Variants in KIF26B observed in about 807,000 individuals in gnomAD.
KIF26B encodes kinesin-like protein KIF26B.
Under a neutral mutation model 151.2 loss-of-function variants are expected in KIF26B, and 63 were observed. The observed-to-expected ratio is 0.42, with a 90% CI of 0.34 to 0.51. The LOEUF is 0.51. Among genes scored for constraint, KIF26B ranks in the 20% least tolerant of loss-of-function variants. The pLI, the probability that KIF26B is intolerant of heterozygous loss-of-function variation, is 0.07. For missense variants in KIF26B, 2,813 were observed against 2,913.6 expected (o/e 0.97, Z 0.79); for synonymous variants, 1,357 against 1,262.1 (o/e 1.08, Z -1.59).
rs141401180 is a variant in KIF26B at position 245,226,563 on chromosome 1, A to G, written c.465+69880A>G. On this transcript the variant is annotated intron_variant, in intron 2 of 14. Transcript: ENST00000407071. ...CTGCAACCTCCTTTTCCCAGGTTCT[A>G]AGCGATTCTCCTGCCTCAGCCTCCT... 8.5e-3 allele frequency among the ~76,000 whole-genome samples: 1,294 copies of G among 151,794 alleles called. 20 individuals are homozygous for G. Among genetic ancestry groups the G allele is most frequent in the African/African-American group, 0.029 (1,212 of 41,372 alleles).
intron 2 of KIF26B, among the ~76,000 whole-genome samples, chr1:245,298,431 G>T (rs1273813145): frequency 3.3e-5 from 5 of 152,206 alleles, no homozygotes; most frequent in African/African-American, 7.2e-5. Flanking sequence ...ACATTGTATG[G>T]TTTTGCTCAT....
chr1:245,661,340 G>A (rs886232830), intron 10 of KIF26B, among the ~76,000 whole-genome samples: 8 of 73,502 alleles, frequency 1.1e-4, no homozygotes, highest in Non-Finnish European at 2.4e-4. Context: ...TTTACTAATC[G>A]CCACAGTTAC....
intron 2 of KIF26B, among the ~76,000 whole-genome samples, chr1:245,182,515 T>C (rs116219927): frequency 6.6e-6 from 1 of 152,250 alleles, no homozygotes; most frequent in Non-Finnish European, 1.5e-5. Context: ...TTGGCTATTA[T>C]GAATAATGCT....
intron 2 of KIF26B, among the ~76,000 whole-genome samples, chr1:245,363,059 T>G (rs1246548030): frequency 6.6e-6 from 1 of 152,324 alleles, no homozygotes; most frequent in East Asian, 1.9e-4. Flanking sequence ...CACGACAGAC[T>G]GGATGCTTCT....
chr1:245,294,854 G>A (rs1340738766), intron 2 of KIF26B, among the ~76,000 whole-genome samples: 2 of 152,084 alleles, frequency 1.3e-5, no homozygotes, highest in Non-Finnish European at 2.9e-5. Flanking sequence ...GTAGAGATGG[G>A]GTTTCACGAT....
chr1:245,638,786 T>A (rs1216388657), intron 9 of KIF26B, among the ~76,000 whole-genome samples: 1 of 151,914 alleles, frequency 6.6e-6, no homozygotes, highest in Admixed American at 6.6e-5. Context: ...TGTATTAAAC[T>A]TATTTGACTT....
chr1:245,233,837 A>G (rs1175692847), intron 2 of KIF26B, among the ~76,000 whole-genome samples: 1 of 151,982 alleles, frequency 6.6e-6, no homozygotes, highest in Non-Finnish European at 1.5e-5. Context: ...AATACATGTT[A>G]TTTGTGAATG....
intron 10 of KIF26B, among the ~76,000 whole-genome samples, chr1:245,657,451 A>AT (rs1296683715): frequency 6.6e-6 from 1 of 152,062 alleles, no homozygotes; most frequent in Non-Finnish European, 1.5e-5. Context: ...TGAAGACGGG[A>AT]TTTTTGTTTT....
intron 2 of KIF26B, among the ~76,000 whole-genome samples, chr1:245,187,102 G>A (rs926011155): frequency 6.6e-6 from 1 of 152,104 alleles, no homozygotes; most frequent in South Asian, 2.1e-4. Flanking sequence ...TGATCTGTCC[G>A]CCTTGGACTC....
intron 4 of KIF26B, among the ~76,000 whole-genome samples, chr1:245,448,861 G>A (rs1010245762): frequency 6.6e-6 from 1 of 152,164 alleles, no homozygotes; most frequent in Admixed American, 6.5e-5. Flanking sequence ...TGTATTTCTT[G>A]AACATCTATG....
intron 2 of KIF26B, among the ~76,000 whole-genome samples, chr1:245,226,921 G>C (rs969111180): frequency 1.3e-5 from 2 of 152,198 alleles, no homozygotes; most frequent in African/African-American, 4.8e-5. Context: ...AGTGAAACCA[G>C]CTTATTTCCA....
At chr1:245,632,167 T>C (rs530688184) in intron 9 of KIF26B, among the ~76,000 whole-genome samples, 306 of 152,292 alleles carry the variant, frequency 2.0e-3, no homozygotes, top group African/African-American at 6.8e-3. Flanking sequence ...AGGAAAACAT[T>C]TATTACTCTA....
At chr1:245,335,800 A>ACGCAGGGAAAGGAG (rs1672212872) in intron 2 of KIF26B, among the ~76,000 whole-genome samples, 1 of 78,524 alleles carries the variant, frequency 1.3e-5, no homozygotes, top group Non-Finnish European at 2.5e-5. Context: ...AGGGAAAGGA[A>ACGCAGGGAAAGGAG]GGTCCCACGC....
In KIF26B at chr1:245,244,377, G is replaced by A. The variant is rs924578269; in HGVS notation, c.465+87694G>A. On this transcript the variant is annotated intron_variant, in intron 2 of 14. Transcript: ENST00000407071. The surrounding 1 kb of genome is among the most constrained non-coding windows in gnomAD (Gnocchi z 4.2). ...CTCTTCTTGGGAAATATGGAATGACGTCTTGCATATTGTCATGATATGTAG... is the reference window on the plus strand; with the variant it reads ...CTCTTCTTGGGAAATATGGAATGACATCTTGCATATTGTCATGATATGTAG... 1.3e-5 allele frequency among the ~76,000 whole-genome samples: 2 copies of A among 152,118 alleles called. No homozygotes were observed. The highest frequency in any genetic ancestry group is 2.4e-5 in the African/African-American group (1 of 41,416).
chr1:245,364,071 C>A (rs914656819), intron 2 of KIF26B, among the ~76,000 whole-genome samples: 1 of 152,182 alleles, frequency 6.6e-6, no homozygotes, highest in Non-Finnish European at 1.5e-5. Context: ...GTACAGGAAC[C>A]AAGAAGGCCC....
chr1:245,180,772 TAC>T (rs1365817478), intron 2 of KIF26B, among the ~76,000 whole-genome samples: 1 of 152,166 alleles, frequency 6.6e-6, no homozygotes, highest in Non-Finnish European at 1.5e-5. Flanking sequence ...GAGACATTCA[TAC>T]ACTTGTTCGT....
intron 2 of KIF26B, among the ~76,000 whole-genome samples, chr1:245,347,882 T>C (rs1051334752): frequency 3.3e-5 from 5 of 152,246 alleles, no homozygotes; most frequent in Admixed American, 3.3e-4. Context: ...TATGTGCCAG[T>C]TACTGTTCTA....
chr1:245,613,263 G>A (rs2043547980), intron 9 of KIF26B, among the ~76,000 whole-genome samples: 1 of 152,184 alleles, frequency 6.6e-6, no homozygotes, highest in Admixed American at 6.5e-5. Flanking sequence ...ATTGAGTAAA[G>A]CAGAGATGGT....
intron 4 of KIF26B, among the ~76,000 whole-genome samples, chr1:245,469,878 G>A (rs12123490): frequency 0.11 from 17,236 of 152,156 alleles, 1,079 homozygotes; most frequent in Non-Finnish European, 0.13. Context: ...TCTAGTCTCT[G>A]ATTGCACAAT....
Sources: allele counts gnomAD v4.1 joint callset (sites outside exome capture counted in the v4.1 genomes callset), GRCh38; gene constraint gnomAD v4.1.1; non-coding constraint Gnocchi (gnomAD v3.1); transcripts MANE v1.5; gene names NCBI Gene and HGNC (gene_info 2026-07-23, HGNC 2026-07-21).